NWD1: variants seen among roughly 807,000 people sequenced by gnomAD.
The protein encoded by NWD1 is NACHT and WD repeat domain containing 1.
A neutral mutation model predicts 135.1 loss-of-function variants in NWD1; 129 were observed. The ratio of observed to expected loss-of-function variants is 0.96; its 90% CI spans 0.83 to 1.11. The LOEUF (loss-of-function observed/expected upper bound fraction) is 1.11, where lower values mean the gene tolerates loss of function less well. NWD1 is among the 50% of genes least tolerant of loss of function. NWD1 has a pLI of 0.00. For missense variants in NWD1, 1,740 were observed against 1,851.3 expected (o/e 0.94, Z 1.10); for synonymous variants, 773 against 786.0 (o/e 0.98, Z 0.28).
chr19:16,812,245 T>C (rs1264493087), intron 18 of NWD1, among the ~76,000 whole-genome samples: 1 of 151,032 alleles, frequency 6.6e-6, no homozygotes, highest in East Asian at 1.9e-4. Context: ...GAGGTGGAGG[T>C]TGCAGTCAAG....
At chr19:16,763,613 A>C (rs1445300560) in intron 8 of NWD1, among the ~76,000 whole-genome samples, 2 of 152,138 alleles carry the variant, frequency 1.3e-5, no homozygotes, top group East Asian at 1.9e-4. Flanking sequence ...TATTCCTCCC[A>C]GAAAGTCCCA....
At chr19:16,764,534 T>C (rs1969148185) in intron 9 of NWD1, among the ~76,000 whole-genome samples, 1 of 152,028 alleles carries the variant, frequency 6.6e-6, no homozygotes, top group South Asian at 2.1e-4. Context: ...CATCATTCTA[T>C]CTATCTATCC....
At chr19:16,723,798 C>T (rs796135143) in intron 1 of NWD1, among the ~76,000 whole-genome samples, 1 of 152,018 alleles carries the variant, frequency 6.6e-6, no homozygotes, top group Non-Finnish European at 1.5e-5. Flanking sequence ...TTGGTTCAAG[C>T]GATTCTCGTG....
intron 12 of NWD1, among the ~76,000 whole-genome samples, chr19:16,787,904 AATCATCATCATCATCATCATCATCATC>A (rs149004219): frequency 1.7e-5 from 2 of 121,042 alleles, no homozygotes; most frequent in Non-Finnish European, 1.7e-5. Context: ...TAATAATAAT[AATCATCATCATCATCATCATCATCATC>A]ATCATCATCA....
At chr19:16,764,020 G>A in intron 9 of NWD1, 75 bp downstream of exon 9, 1 of 896,676 alleles carries the variant, frequency 1.1e-6, no homozygotes, top group Non-Finnish European at 1.8e-6. Flanking sequence ...AGCCTGGGGA[G>A]GGTGAAGGGC....
chr19:16,789,218 G>C (rs1970161537), intron 13 of NWD1, 28 bp downstream of exon 13: 2 of 1,562,390 alleles, frequency 1.3e-6, no homozygotes, highest in African/African-American at 2.7e-5. Flanking sequence ...TGTTTGTAAA[G>C]GAAAGCTGAG....
intron 12 of NWD1, 23 bp downstream of exon 12, chr19:16,779,488 T>C (rs375265853): frequency 1.3e-5 from 21 of 1,609,150 alleles, no homozygotes; most frequent in Non-Finnish European, 1.8e-5. Context: ...AAGTGGGCTT[T>C]GTGGTCAGCT....
At chr19:16,814,841 G>A (rs1469931655) in intron 18 of NWD1, among the ~76,000 whole-genome samples, 187 bp from the exon 19 acceptor site, 4 of 152,186 alleles carry the variant, frequency 2.6e-5, no homozygotes, top group African/African-American at 9.7e-5. Context: ...CTGAGCAGGT[G>A]TAGGTTCTGT....
At chr19:16,812,765 C>G in intron 18 of NWD1, 1 of 781,066 alleles carries the variant, frequency 1.3e-6, no homozygotes, top group Non-Finnish European at 2.4e-6. Flanking sequence ...GCAGAGGGGT[C>G]CAATGTGCTT....
At chr19:16,724,802 C>T (rs1967262246) in intron 2 of NWD1, among the ~76,000 whole-genome samples, 1 of 151,644 alleles carries the variant, frequency 6.6e-6, no homozygotes, top group African/African-American at 2.4e-5. Flanking sequence ...GAGTAATTCT[C>T]CTGCCTCAGC....
At chr19:16,749,022 G>A (rs757849020) in intron 5 of NWD1, 117 bp from the exon 6 acceptor site, 2 of 757,178 alleles carry the variant, frequency 2.6e-6, no homozygotes, top group East Asian at 2.7e-5. Flanking sequence ...TCTGGTGCAC[G>A]TTAATCTTGA....
intron 3 of NWD1, among the ~76,000 whole-genome samples, chr19:16,733,391 C>T (rs554633763): frequency 9.2e-5 from 14 of 151,836 alleles, no homozygotes; most frequent in African/African-American, 1.9e-4. Flanking sequence ...TGTGGTGACA[C>T]GCACCTGTAA....
chr19:16,737,483 C>T (rs1967870650), intron 4 of NWD1, among the ~76,000 whole-genome samples: 1 of 151,282 alleles, frequency 6.6e-6, no homozygotes, highest in African/African-American at 2.4e-5. Context: ...TCTTGAACTC[C>T]TAGGCACAAG....
chr19:16,738,223 C>T (rs1430404006), intron 4 of NWD1: 1 of 454,096 alleles, frequency 2.2e-6, no homozygotes, highest in African/African-American at 2.0e-5. Flanking sequence ...TGACTTTTTC[C>T]AGGAGAAATG....
At position 16,759,417 on chromosome 19, in the gene NWD1, C is replaced by T. The variant is rs1225292905; in HGVS notation, c.1962C>T (p.Ala654=). The change falls in exon 7 of 19, where the codon GCC becomes GCT. Residue 654 remains alanine (A), a synonymous_variant. Transcript: ENST00000524140. ...CCGTGGATGGCTTCACCCTCCTGGC[C>T]ATTGCCCACAGGTAGGTCCAGGCAG... The part of the protein sequence containing the change: ...RRPVDGFTLL[A]IAHRQLVEVV... 1 of 1,561,310 alleles carries T rather than the reference C, an allele frequency of 6.4e-7. No individual in the cohort carries two copies. The highest frequency in any genetic ancestry group is 8.6e-7 in the Non-Finnish European group (1 of 1,156,406).
At chr19:16,753,336 T>C (rs965851949) in intron 6 of NWD1, among the ~76,000 whole-genome samples, 1 of 152,216 alleles carries the variant, frequency 6.6e-6, no homozygotes, top group Admixed American at 6.5e-5. Context: ...CTTGGTCCCA[T>C]ATCTGGTCCA....
At chr19:16,757,057 A>G (rs1326320276) in intron 6 of NWD1, among the ~76,000 whole-genome samples, 1 of 152,106 alleles carries the variant, frequency 6.6e-6, no homozygotes, top group Non-Finnish European at 1.5e-5. Context: ...CTGATTCTAC[A>G]TGATGGGGAG....
rs573555306 is a variant in NWD1 at position 16,769,054 on chromosome 19, G to A, written c.2410+3862G>A. ...CAGAAGAATCTTGAAAGCCCAAAACGGCCGGGGTGGCTCAAGCCTGTTATC... is the reference window on the plus strand; with the variant it reads ...CAGAAGAATCTTGAAAGCCCAAAACAGCCGGGGTGGCTCAAGCCTGTTATC... On this transcript the variant is annotated intron_variant, in intron 10 of 18. Transcript: ENST00000524140. Among the ~76,000 whole-genome samples the A allele has an allele frequency of 6.6e-5, 10 of 152,216 alleles. No homozygotes were observed. In the East Asian group the frequency reaches 1.9e-3, roughly 29 times the overall value.
intron 6 of NWD1, among the ~76,000 whole-genome samples, chr19:16,754,091 TATC>T (rs1158583798): frequency 2.0e-5 from 3 of 148,338 alleles, no homozygotes; most frequent in Non-Finnish European, 3.0e-5. Context: ...CCATCATCTC[TATC>T]ATCCATCCAT....
Sources: allele counts gnomAD v4.1 joint callset (sites outside exome capture counted in the v4.1 genomes callset), GRCh38; gene constraint gnomAD v4.1.1; transcripts MANE v1.5; gene names NCBI Gene and HGNC (gene_info 2026-07-23, HGNC 2026-07-21).